The following SYT1 variants were observed in gnomAD, a reference collection of about 807,000 sequenced individuals.
SYT1 encodes synaptotagmin 1.
SYT1 carries 8 observed loss-of-function variants against 44.8 expected under a neutral mutation model. The observed-to-expected ratio is 0.18, with a 90% CI of 0.10 to 0.32. The LOEUF (loss-of-function observed/expected upper bound fraction) is 0.32, where lower values mean the gene tolerates loss of function less well. SYT1 is among the 10% of genes least tolerant of loss of function. The probability of loss-of-function intolerance (pLI) is 1.00; values close to 1 mark genes in which losing one functional copy is unlikely to be tolerated. For synonymous variants in SYT1, 154 were observed against 188.8 expected (o/e 0.82, Z 1.51); for missense variants, 286 against 509.3 (o/e 0.56, Z 4.22).
intron 8 of SYT1, among the ~76,000 whole-genome samples, chr12:79,322,376 CCACTTACATGCCTG>C (rs1881405506): frequency 6.6e-6 from 1 of 152,098 alleles, no homozygotes; most frequent in Non-Finnish European, 1.5e-5. Flanking sequence ...CTGAGATTTA[CCACTTACATGCCTG>C]CATCTGTTTG....
intron 3 of SYT1, among the ~76,000 whole-genome samples, chr12:79,181,109 T>C (rs1872514701): frequency 1.3e-5 from 2 of 152,228 alleles, no homozygotes; most frequent in African/African-American, 4.8e-5. Context: ...GCGAGTCAAT[T>C]ACACCTCTTT....
chr12:78,866,370 A>G (rs758452040), intron 1 of SYT1, among the ~76,000 whole-genome samples: 4 of 152,206 alleles, frequency 2.6e-5, no homozygotes, highest in Non-Finnish European at 4.4e-5. Context: ...TACTGGAACT[A>G]AGTTTAGAAA....
At chr12:79,395,261 C>G (rs1202145850) in intron 9 of SYT1, among the ~76,000 whole-genome samples, 2 of 152,266 alleles carry the variant, frequency 1.3e-5, no homozygotes, top group African/African-American at 2.4e-5. Context: ...TTCTTTCACC[C>G]AGGCTGGTGT....
At chr12:79,282,836 A>T (rs1248305655) in intron 4 of SYT1, among the ~76,000 whole-genome samples, 1 of 152,184 alleles carries the variant, frequency 6.6e-6, no homozygotes, top group South Asian at 2.1e-4. Flanking sequence ...AATAAATAAG[A>T]TAATGTATCT....
chr12:79,267,413 A>G (rs1023677200), intron 4 of SYT1, among the ~76,000 whole-genome samples: 2 of 152,218 alleles, frequency 1.3e-5, no homozygotes, highest in African/African-American at 4.8e-5. Context: ...CCAAATTGAA[A>G]GTGTCAAAAT....
chr12:79,125,615 G>A (rs1868388229), intron 3 of SYT1, among the ~76,000 whole-genome samples: 1 of 138,356 alleles, frequency 7.2e-6, no homozygotes, highest in African/African-American at 2.7e-5. Flanking sequence ...ACAAGCCCCT[G>A]TCAAAAAAAA....
At chr12:79,093,716 C>T (rs934223384) in intron 3 of SYT1, among the ~76,000 whole-genome samples, 1 of 151,410 alleles carries the variant, frequency 6.6e-6, no homozygotes, top group Non-Finnish European at 1.5e-5. Context: ...TATTTTTCTT[C>T]AACAACAAAA....
chr12:79,181,345 G>C (rs1482852931), intron 3 of SYT1, among the ~76,000 whole-genome samples: 1 of 152,046 alleles, frequency 6.6e-6, no homozygotes, highest in Admixed American at 6.6e-5. Context: ...GAAATTTGGA[G>C]TGGAAAGAAA....
chr12:79,100,535 C>T (rs1184945960), intron 3 of SYT1, among the ~76,000 whole-genome samples: 1 of 152,000 alleles, frequency 6.6e-6, no homozygotes, highest in Non-Finnish European at 1.5e-5. Context: ...ATAGACACAA[C>T]TGTTTTGCAG....
At chr12:79,004,065 C>A (rs1382887894) in intron 2 of SYT1, among the ~76,000 whole-genome samples, 1 of 151,728 alleles carries the variant, frequency 6.6e-6, no homozygotes, top group Non-Finnish European at 1.5e-5. Context: ...TTTTAAAAAT[C>A]TAATACTCTA....
chr12:78,877,727 C>T (rs35110008), intron 1 of SYT1, among the ~76,000 whole-genome samples: 1,885 of 151,772 alleles, frequency 0.012, 36 homozygotes, highest in Admixed American at 0.047. Context: ...GGAGAGCAAG[C>T]ACATGATCCT....
At position 79,026,651 on chromosome 12, in the gene SYT1, T is replaced by C. The variant is rs1300962981; in HGVS notation, c.-83-20646T>C. Among the ~76,000 whole-genome samples, 3 of 119,798 alleles carry C rather than the reference T, an allele frequency of 2.5e-5. No individual in the cohort carries two copies. The Admixed American group carries it at 2.9e-4, about 12-fold the overall frequency. The allele number at this position is 119,798 out of a possible 152,430, so 78.6% of individuals were successfully genotyped here. A position where few individuals can be genotyped will look rare whatever the true frequency, so the allele number is the denominator to read the frequency against. On this transcript the variant is annotated intron_variant, in intron 2 of 10. Transcript: ENST00000261205. Reference sequence around the variant, plus strand: ...ACATATATGTATAATATTGTGTGTGTATATACATATATATTTTATATATAT... The same window carrying C: ...ACATATATGTATAATATTGTGTGTGCATATACATATATATTTTATATATAT...
chr12:79,127,373 A>T (rs1868505769), intron 3 of SYT1, among the ~76,000 whole-genome samples: 1 of 152,242 alleles, frequency 6.6e-6, no homozygotes, highest in African/African-American at 2.4e-5. Flanking sequence ...GTTGCAAAAG[A>T]TGTGAAAAAC....
At chr12:78,980,073 T>C (rs1869134615) in intron 2 of SYT1, among the ~76,000 whole-genome samples, 1 of 152,170 alleles carries the variant, frequency 6.6e-6, no homozygotes, top group Non-Finnish European at 1.5e-5. Flanking sequence ...AATGAATATT[T>C]CCATATTATC....
intron 1 of SYT1, among the ~76,000 whole-genome samples, chr12:78,937,762 C>T (rs1166373536): frequency 6.6e-6 from 1 of 152,134 alleles, no homozygotes; most frequent in Non-Finnish European, 1.5e-5. Flanking sequence ...CTGGAAAATT[C>T]TATAGTGTGC....
chr12:78,876,338 G>A (rs765829997), intron 1 of SYT1, among the ~76,000 whole-genome samples: 1 of 150,808 alleles, frequency 6.6e-6, no homozygotes, highest in East Asian at 2.0e-4. Context: ...GCATTACCAC[G>A]CAATCTGCTA....
chr12:79,265,430 G>C (rs1342445245), intron 4 of SYT1, among the ~76,000 whole-genome samples: 1 of 152,016 alleles, frequency 6.6e-6, no homozygotes, highest in Non-Finnish European at 1.5e-5. Context: ...CACTGATTTG[G>C]AGTAAATAAT....
intron 9 of SYT1, among the ~76,000 whole-genome samples, chr12:79,412,442 G>A (rs922445160): frequency 1.3e-5 from 2 of 152,242 alleles, no homozygotes; most frequent in South Asian, 4.1e-4. Flanking sequence ...CTAGTCTCAG[G>A]TTTTTCTATG....
At chr12:79,076,076 G>A (rs1876627822) in intron 3 of SYT1, among the ~76,000 whole-genome samples, 2 of 152,160 alleles carry the variant, frequency 1.3e-5, no homozygotes, top group South Asian at 4.2e-4. Flanking sequence ...GAAGTGAAGA[G>A]CAAAGGAACG....
Sources: allele counts gnomAD v4.1 joint callset (sites outside exome capture counted in the v4.1 genomes callset), GRCh38; gene constraint gnomAD v4.1.1; transcripts MANE v1.5; gene names NCBI Gene and HGNC (gene_info 2026-07-23, HGNC 2026-07-21).